NFIA: variants seen among roughly 807,000 people sequenced by gnomAD.
The protein encoded by NFIA is nuclear factor I A.
NFIA carries 8 observed loss-of-function variants against 62.8 expected under a neutral mutation model. That is an observed-to-expected ratio of 0.13 (90% confidence interval 0.07 to 0.23). The LOEUF (loss-of-function observed/expected upper bound fraction) is 0.23, where lower values mean the gene tolerates loss of function less well. Ranked by LOEUF, NFIA falls within the 10% of genes least tolerant of loss-of-function variation. The pLI, the probability that NFIA is intolerant of heterozygous loss-of-function variation, is 1.00. For missense variants in NFIA, 410 were observed against 642.1 expected (o/e 0.64, Z 3.91); for synonymous variants, 235 against 238.1 (o/e 0.99, Z 0.12).
Position 61,088,551 on chromosome 1 carries a change from A to G in NFIA, c.430A>G (p.Ser144Gly). ...VILFKGIPLE[S>G]TDGERLVKSP... ...TTTGTTTAAAGGTATTCCGCTGGAA[A>G]GTACTGATGGCGAGCGCCTTGTAAA... The change falls in exon 2 of 11, where the codon AGT becomes GGT. Residue 144 changes from serine to glycine, a missense_variant. By Grantham distance (56) the Ser-to-Gly change is moderately conservative (BLOSUM62 0). Around this residue, in one of 3 missense-constraint regions of NFIA, gnomAD observed 26 missense variants for 79.4 expected, o/e 0.33. Transcript: ENST00000403491. This position sits in a 1 kb window ranked among gnomAD's most constrained non-coding sequence, Gnocchi z 4.5. 1 of 1,614,182 alleles carries G rather than the reference A, an allele frequency of 6.2e-7. No homozygotes were observed. The highest frequency in any genetic ancestry group is 8.5e-7 in the Non-Finnish European group (1 of 1,180,026).
intron 3 of NFIA, among the ~76,000 whole-genome samples, chr1:61,298,902 G>A (rs1163963736): frequency 6.6e-6 from 1 of 152,138 alleles, no homozygotes; most frequent in Non-Finnish European, 1.5e-5. Context: ...AAGTGACTGC[G>A]TTAACTTGGA....
chr1:61,449,338 C>T (rs1391237749), intron 10 of NFIA, among the ~76,000 whole-genome samples: 1 of 152,202 alleles, frequency 6.6e-6, no homozygotes, highest in African/African-American at 2.4e-5. Context: ...TCGGATACAG[C>T]TTGTTCTTCC....
chr1:61,176,572 A>AT (rs1206161684), intron 2 of NFIA, among the ~76,000 whole-genome samples: 1 of 152,024 alleles, frequency 6.6e-6, no homozygotes, highest in Non-Finnish European at 1.5e-5. Context: ...ATTTATTGAT[A>AT]TTTTTAAAAA....
At chr1:61,351,234 CTT>C (rs561722642) in intron 4 of NFIA, among the ~76,000 whole-genome samples, 18 of 152,324 alleles carry the variant, frequency 1.2e-4, no homozygotes, top group African/African-American at 4.3e-4. Flanking sequence ...ACTTCGCAGA[CTT>C]TTAAAAAATT....
chr1:61,184,527 ATGGAT>A (rs1175157300), intron 2 of NFIA, among the ~76,000 whole-genome samples: 2 of 152,264 alleles, frequency 1.3e-5, no homozygotes, highest in Non-Finnish European at 2.9e-5. Context: ...TTTATGTAAA[ATGGAT>A]TTCCCTTCTT....
chr1:61,423,879 T>C (rs961361375), intron 9 of NFIA, among the ~76,000 whole-genome samples: 2 of 152,162 alleles, frequency 1.3e-5, no homozygotes, highest in African/African-American at 4.8e-5. Context: ...CTGTGTCCTT[T>C]TCCCAGAAGC....
upstream of NFIA, among the ~76,000 whole-genome samples, chr1:61,080,651 C>G (rs942867320): frequency 1.3e-5 from 2 of 152,102 alleles, no homozygotes; most frequent in Non-Finnish European, 2.9e-5. Context: ...TGAGAGGAAC[C>G]AAGGAAAAGC....
chr1:61,407,629 A>G (rs1197202743), intron 9 of NFIA, among the ~76,000 whole-genome samples: 1 of 152,154 alleles, frequency 6.6e-6, no homozygotes, highest in Non-Finnish European at 1.5e-5. Flanking sequence ...CTAAAGCTGT[A>G]AAGAGGCAGC....
chr1:61,372,530 A>G (rs1453947415), intron 6 of NFIA, among the ~76,000 whole-genome samples: 2 of 151,950 alleles, frequency 1.3e-5, no homozygotes, highest in African/African-American at 4.8e-5. Context: ...AATCATTAGA[A>G]GTGCAACTTT....
chr1:61,365,292 A>G (rs574888327), intron 6 of NFIA, among the ~76,000 whole-genome samples: 28 of 152,224 alleles, frequency 1.8e-4, no homozygotes, highest in African/African-American at 5.5e-4. Flanking sequence ...ACACTTTGCA[A>G]AGCACTGATT....
chr1:61,091,852 T>G (rs1012691047), intron 2 of NFIA, among the ~76,000 whole-genome samples: 19 of 151,886 alleles, frequency 1.3e-4, no homozygotes, highest in Admixed American at 2.6e-4. Flanking sequence ...AGTTGTTGTT[T>G]TTTTTTTTTT....
intron 2 of NFIA, among the ~76,000 whole-genome samples, chr1:61,142,478 G>A (rs1647604703): frequency 1.3e-5 from 2 of 152,140 alleles, no homozygotes; most frequent in Non-Finnish European, 2.9e-5. Flanking sequence ...CTGAAGAACA[G>A]TATTCTTGAT....
chr1:61,406,544 C>CT lies in NFIA; in HGVS notation c.1255-18_1255-17insT, dbSNP rs753025053. ...CTTTTTCTTGTACGTGTGTTTTCTG[C>CT]CCCCCCCCCCCCCACAGCCCAATGG... On this transcript the variant is annotated splice_polypyrimidine_tract_variant and intron_variant, in intron 8 of 10. Coordinates refer to ENST00000403491, the MANE Select transcript of NFIA (RefSeq NM_001134673.4). The CT allele has an allele frequency of 2.0e-4, 16 of 79,270 alleles. No homozygotes were observed. The highest frequency in any genetic ancestry group is 7.1e-4 in the South Asian group (3 of 4,234). 4.9% of individuals were successfully genotyped at this position (79,270 alleles called of 1,614,324 possible). A position where few individuals can be genotyped will look rare whatever the true frequency, so the allele number is the denominator to read the frequency against.
At chr1:61,080,945 G>C (rs1001361911), upstream of NFIA, among the ~76,000 whole-genome samples, 2 of 152,124 alleles carry the variant, frequency 1.3e-5, no homozygotes, top group Admixed American at 6.5e-5. Context: ...GTCTGAATGA[G>C]AGTGGCCTTA....
chr1:61,086,622 T>C (rs968967406), intron 1 of NFIA, among the ~76,000 whole-genome samples: 1 of 152,132 alleles, frequency 6.6e-6, no homozygotes, highest in Non-Finnish European at 1.5e-5. Flanking sequence ...AAGTCAGTTA[T>C]TGAAGTAATT....
chr1:61,082,587 G>A lies in NFIA; in HGVS notation c.-205G>A. On this transcript the variant is annotated 5_prime_UTR_variant, in exon 1 of 11. Coordinates refer to ENST00000403491, the MANE Select transcript of NFIA (RefSeq NM_001134673.4). ...GGGTTAAAGTTCAGCTCATGGAGCG[G>A]CAATAGCGCTGGCTGGCTGGCTGCA... 1 of 1,482,938 alleles carries A rather than the reference G, an allele frequency of 6.7e-7. No individual in the cohort carries two copies. Among genetic ancestry groups the A allele is most frequent in the South Asian group, 1.4e-5 (1 of 72,970 alleles). The allele number at this position is 1,482,938 out of a possible 1,614,324, so 91.9% of individuals were successfully genotyped here. A position where few individuals can be genotyped will look rare whatever the true frequency, so the allele number is the denominator to read the frequency against.
intron 2 of NFIA, among the ~76,000 whole-genome samples, chr1:61,112,726 A>G (rs908071251): frequency 6.6e-6 from 1 of 152,198 alleles, no homozygotes; most frequent in Non-Finnish European, 1.5e-5. Context: ...CTCATTTAAA[A>G]TTAGAGACAT....
chr1:61,459,031 C>G lies in NFIA; in HGVS notation c.*3711C>G, dbSNP rs1668427752. ...CAGCAGGAAACTATTCAGTTGTGAT[C>G]AAGCAGGAAAAAAGAAACACCAACA... On this transcript the variant is annotated 3_prime_UTR_variant, in exon 11 of 11. Transcript: ENST00000403491. 1 of 152,118 alleles carries G rather than the reference C, an allele frequency of 6.6e-6. No homozygotes were observed. The allele number at this position is 152,118 out of a possible 1,614,324, so 9.4% of individuals were successfully genotyped here. A position where few individuals can be genotyped will look rare whatever the true frequency, so the allele number is the denominator to read the frequency against.
intron 2 of NFIA, among the ~76,000 whole-genome samples, chr1:61,227,176 C>A (rs1320838359): frequency 6.6e-6 from 1 of 152,124 alleles, no homozygotes; most frequent in African/African-American, 2.4e-5. Context: ...TTTTCCCAAG[C>A]CTGTAGCGAC....
Sources: allele counts gnomAD v4.1 joint callset (sites outside exome capture counted in the v4.1 genomes callset), GRCh38; gene constraint gnomAD v4.1.1; regional missense constraint gnomAD v4.1.1; non-coding constraint Gnocchi (gnomAD v3.1); transcripts MANE v1.5; gene names NCBI Gene and HGNC (gene_info 2026-07-23, HGNC 2026-07-21).